Variants in ARHGAP35 observed in about 807,000 individuals in gnomAD.
ARHGAP35 encodes rho GTPase-activating protein 35.
In ARHGAP35, 15 loss-of-function variants were observed where a neutral mutation model predicts 111.1. That is an observed-to-expected ratio of 0.13 (90% CI 0.09 to 0.21). The LOEUF is 0.21. Ranked by LOEUF, ARHGAP35 falls within the 10% of genes least tolerant of loss-of-function variation. The pLI is 1.00. For synonymous variants in ARHGAP35, 643 were observed against 710.3 expected, an observed-to-expected ratio of 0.91 and a Z score of 1.51; for missense variants, 1,262 against 1,873.0, an observed-to-expected ratio of 0.67 and a Z score of 6.02.
intron 1 of ARHGAP35, among the ~76,000 whole-genome samples, chr19:46,898,555 T>C (rs2056069013): frequency 1.3e-5 from 2 of 152,238 alleles, no homozygotes; most frequent in African/African-American, 2.4e-5. Context: ...TTAATATTGC[T>C]GTTTTTATTT....
At position 47,001,549 on chromosome 19, in the gene ARHGAP35, C is replaced by T; in HGVS notation, c.*861C>T. 6 of 529,826 alleles carry T rather than the reference C, an allele frequency of 1.1e-5. No homozygotes were observed. Among genetic ancestry groups the T allele is most frequent in the Non-Finnish European group, 1.8e-5 (6 of 331,748 alleles). The allele number at this position is 529,826 out of a possible 1,614,324, so 32.8% of individuals were successfully genotyped here. A position where few individuals can be genotyped will look rare whatever the true frequency, so the allele number is the denominator to read the frequency against. On this transcript the variant is annotated 3_prime_UTR_variant, in exon 7 of 7. Coordinates refer to ENST00000672722, the MANE Select transcript of ARHGAP35 (RefSeq NM_004491.5). The surrounding 1 kb of genome is among the most constrained non-coding windows in gnomAD (Gnocchi z 5.4). ...AAACCAGGATGCCTGGAGCTGTGGCCTGAGGGCCTGCTGGGGTCCCACTCA... is the reference window on the plus strand; with the variant it reads ...AAACCAGGATGCCTGGAGCTGTGGCTTGAGGGCCTGCTGGGGTCCCACTCA...
intron 3 of ARHGAP35, among the ~76,000 whole-genome samples, chr19:46,953,695 C>G (rs185315756): frequency 1.1e-4 from 17 of 152,222 alleles, no homozygotes; most frequent in African/African-American, 3.9e-4. Context: ...TCAACCAAAC[C>G]CCTCCTTCAT....
At chr19:46,886,950 A>G (rs2055995974) in intron 1 of ARHGAP35, among the ~76,000 whole-genome samples, 1 of 152,214 alleles carries the variant, frequency 6.6e-6, no homozygotes, top group Non-Finnish European at 1.5e-5. Context: ...ATTTACTACT[A>G]GCAAAACTGA....
At chr19:46,978,853 GTGTGTATGGTGGGGTT>G in intron 3 of ARHGAP35, among the ~76,000 whole-genome samples, 1 of 128,104 alleles carries the variant, frequency 7.8e-6, no homozygotes, top group African/African-American at 3.1e-5. Context: ...GTGGTGGGGT[GTGTGTATGGTGGGGTT>G]TGGTGGGATT....
intron 2 of ARHGAP35, among the ~76,000 whole-genome samples, chr19:46,930,406 C>T (rs2056265944): frequency 6.7e-6 from 1 of 149,602 alleles, no homozygotes; most frequent in Middle Eastern, 3.2e-3. Flanking sequence ...TTCCCCACCA[C>T]CCCACCTGCT....
intron 3 of ARHGAP35, among the ~76,000 whole-genome samples, chr19:46,940,339 A>T (rs984707121): frequency 6.8e-6 from 1 of 147,274 alleles, no homozygotes; most frequent in Non-Finnish European, 1.5e-5. Context: ...AGCCTGGCCA[A>T]CAAGAGCAAA....
chr19:46,983,762 C>A (rs1444458338), intron 3 of ARHGAP35, among the ~76,000 whole-genome samples: 1 of 151,822 alleles, frequency 6.6e-6, no homozygotes, highest in Admixed American at 6.6e-5. Context: ...TACAGGCACC[C>A]GCCACCATGC....
At position 47,001,037 on chromosome 19, in the gene ARHGAP35, C is replaced by G; in HGVS notation, c.*349C>G. 1 of 1,407,064 alleles carries G rather than the reference C, an allele frequency of 7.1e-7. No homozygotes were observed. The highest frequency in any genetic ancestry group is 1.2e-5 in the South Asian group (1 of 80,364). The allele number at this position is 1,407,064 out of a possible 1,614,324, so 87.2% of individuals were successfully genotyped here. A position where few individuals can be genotyped will look rare whatever the true frequency, so the allele number is the denominator to read the frequency against. On this transcript the variant is annotated 3_prime_UTR_variant, in exon 7 of 7. Coordinates refer to ENST00000672722, the MANE Select transcript of ARHGAP35 (RefSeq NM_004491.5). This position sits in a 1 kb window ranked among gnomAD's most constrained non-coding sequence, Gnocchi z 5.4. ...GCTTGTACAGAGCCCATGGTCGGGACAGTGCCCTGGCCTTTGCCGGGGAGG... is the reference window on the plus strand; with the variant it reads ...GCTTGTACAGAGCCCATGGTCGGGAGAGTGCCCTGGCCTTTGCCGGGGAGG...
chr19:46,881,400 G>T (rs1248006851), intron 1 of ARHGAP35, among the ~76,000 whole-genome samples: 1 of 152,172 alleles, frequency 6.6e-6, no homozygotes, highest in Non-Finnish European at 1.5e-5. Flanking sequence ...AATTACTCCT[G>T]GATACATGGA....
Position 46,861,060 on chromosome 19 carries a change from C to T in ARHGAP35, c.-338C>T, listed in dbSNP as rs1324243930. On this transcript the variant is annotated 5_prime_UTR_variant, in exon 1 of 7. Transcript: ENST00000672722. ...TGGAGGAGGCGGAGGAGGGAACCCG[C>T]GAGGGAGGGTCCGCCCGGCCCCCCG... 6.6e-6 allele frequency among the ~76,000 whole-genome samples: 1 copy of T among 151,058 alleles called. No individual in the cohort carries two copies. Among genetic ancestry groups the T allele is most frequent in the Non-Finnish European group, 1.5e-5 (1 of 67,530 alleles).
rs1004559362 is a variant in ARHGAP35 at position 46,926,611 on chromosome 19, G to A, written c.3681+4255G>A. On this transcript the variant is annotated intron_variant, in intron 2 of 6. Coordinates refer to ENST00000672722, the MANE Select transcript of ARHGAP35 (RefSeq NM_004491.5). This position sits in a 1 kb window ranked among gnomAD's most constrained non-coding sequence, Gnocchi z 4.1. ...TTGGCTATTTACCCTTCTATCTGAT[G>A]TGTTCTTATTTTGGTGCTAAAAAAA... Among the ~76,000 whole-genome samples, 5 of 151,536 alleles carry A rather than the reference G, an allele frequency of 3.3e-5. No individual in the cohort carries two copies. The highest frequency in any genetic ancestry group is 1.2e-4 in the African/African-American group (5 of 41,076).
At chr19:46,890,118 T>G (rs982916236) in intron 1 of ARHGAP35, among the ~76,000 whole-genome samples, 3 of 152,216 alleles carry the variant, frequency 2.0e-5, no homozygotes, top group Non-Finnish European at 4.4e-5. Flanking sequence ...AGAGTAACAC[T>G]GAGCCCCATG....
intron 1 of ARHGAP35, among the ~76,000 whole-genome samples, chr19:46,884,409 CAT>C (rs773295845): frequency 2.6e-5 from 4 of 151,416 alleles, no homozygotes; most frequent in Non-Finnish European, 4.4e-5. Flanking sequence ...TCATTTTAAA[CAT>C]AAACTGAGGA....
rs1178438380 is a variant in ARHGAP35, at chr19:46,918,467, C to CT, written c.-188-12dup. Among the ~76,000 whole-genome samples the CT allele has an allele frequency of 5.9e-5, 9 of 151,412 alleles. No individual in the cohort carries two copies. In the East Asian group the frequency reaches 1.7e-3, roughly 29 times the overall value. On this transcript the variant is annotated intron_variant, in intron 1 of 6. Coordinates refer to ENST00000672722, the MANE Select transcript of ARHGAP35 (RefSeq NM_004491.5). This position sits in a 1 kb window ranked among gnomAD's most constrained non-coding sequence, Gnocchi z 5.4. ...TAAAATTATGATGCTGATGGGTTTT[C>CT]TTTTTTTTTCCCCCATCTAGGAAGA...
In ARHGAP35 at chr19:47,000,097, G is replaced by A. The variant is rs1032657625; in HGVS notation, c.4143-234G>A. Among the ~76,000 whole-genome samples the A allele has an allele frequency of 1.3e-5, 2 of 152,212 alleles. No individual in the cohort carries two copies. The highest frequency in any genetic ancestry group is 2.9e-5 in the Non-Finnish European group (2 of 68,038). On this transcript the variant is annotated intron_variant, in intron 6 of 6. Transcript: ENST00000672722. This position sits in a 1 kb window ranked among gnomAD's most constrained non-coding sequence, Gnocchi z 6.9. ...GTCCATCCACCCCCAGGGGTTTGCG[G>A]GGCTCCAGGCAGCCTTTCCGAGGTT...
rs1233896886 is a variant in ARHGAP35 at position 46,999,527 on chromosome 19, A to T, written c.4142+118A>T. 2 of 708,642 alleles carry T rather than the reference A, an allele frequency of 2.8e-6. No homozygotes were observed. Among genetic ancestry groups the T allele is most frequent in the Admixed American group, 5.4e-5 (2 of 36,986 alleles). The allele number at this position is 708,642 out of a possible 1,614,324, so 43.9% of individuals were successfully genotyped here. On this transcript the variant is annotated intron_variant, in intron 6 of 6. Coordinates refer to ENST00000672722, the MANE Select transcript of ARHGAP35 (RefSeq NM_004491.5). The surrounding 1 kb of genome is among the most constrained non-coding windows in gnomAD (Gnocchi z 5.4). Reference sequence around the variant, plus strand: ...TAGAAGCCTCAGGCCCTGGCCTGGAAGGGGTGCTGGCTGGCCTCCCATGGT... The same window carrying T: ...TAGAAGCCTCAGGCCCTGGCCTGGATGGGGTGCTGGCTGGCCTCCCATGGT...
intron 1 of ARHGAP35, among the ~76,000 whole-genome samples, chr19:46,904,890 C>T (rs1250078256): frequency 6.6e-6 from 1 of 152,158 alleles, no homozygotes; most frequent in Non-Finnish European, 1.5e-5. Context: ...GCGTCTCCCA[C>T]CATATGTGCC....
chr19:46,867,652 C>T (rs1259335674), intron 1 of ARHGAP35, among the ~76,000 whole-genome samples: 1 of 152,126 alleles, frequency 6.6e-6, no homozygotes, highest in Non-Finnish European at 1.5e-5. Context: ...GATGAGGAGC[C>T]TCTTATATTA....
chr19:46,894,871 A>G (rs931519990), intron 1 of ARHGAP35, among the ~76,000 whole-genome samples: 5 of 152,154 alleles, frequency 3.3e-5, no homozygotes, highest in Admixed American at 2.6e-4. Flanking sequence ...ATTTTCACCT[A>G]CTCACTGATT....
Sources: allele counts gnomAD v4.1 joint callset (sites outside exome capture counted in the v4.1 genomes callset), GRCh38; gene constraint gnomAD v4.1.1; non-coding constraint Gnocchi (gnomAD v3.1); transcripts MANE v1.5; gene names NCBI Gene and HGNC (gene_info 2026-07-23, HGNC 2026-07-21).